Variants in MYH10 observed in about 807,000 individuals in gnomAD.
MYH10 encodes the protein myosin heavy chain 10, also known as myosin-10.
MYH10 carries 55 observed loss-of-function variants against 257.8 expected under a neutral mutation model. That is an observed-to-expected ratio of 0.21 (90% CI 0.17 to 0.27). MYH10 has a LOEUF of 0.27. Among genes scored for constraint, MYH10 ranks in the 10% least tolerant of loss-of-function variants. The pLI, the probability that MYH10 is intolerant of heterozygous loss-of-function variation, is 1.00. For missense variants in MYH10, 1,631 were observed against 2,500.6 expected (o/e 0.65, Z 7.42); for synonymous variants, 854 against 921.7 (o/e 0.93, Z 1.33).
At chr17:8,560,596 GGAGGAAAA>G in intron 7 of MYH10, 1 of 897,030 alleles carries the variant, frequency 1.1e-6, no homozygotes, top group Non-Finnish European at 1.7e-6. Context: ...ACTGAGCACT[GGAGGAAAA>G]GGATTTGGTT....
rs760542141 is a variant in MYH10 at position 8,499,471 on chromosome 17, T to C, written c.3750A>G (p.Lys1250=). Residue 1250 remains lysine, a synonymous_variant, in exon 30 of 43, where the codon AAA becomes AAG. Coordinates refer to ENST00000360416, the MANE Select transcript of MYH10 (RefSeq NM_001256012.3). The part of the protein sequence containing the change: ...SEQLEQAKRF[K]ANLEKNKQGL... ...CCTGCTTGTTCTTCTCTAGATTTGCTTTGAACTAGGAGACGGAAGGGAAAA... is the reference window on the plus strand; with the variant it reads ...CCTGCTTGTTCTTCTCTAGATTTGCCTTGAACTAGGAGACGGAAGGGAAAA... The C allele has an allele frequency of 6.2e-7, 1 of 1,614,180 alleles. No individual in the cohort carries two copies. The highest frequency in any genetic ancestry group is 2.2e-5 in the East Asian group (1 of 44,884).
chr17:8,576,591 C>T (rs1366515647), intron 6 of MYH10, 52 bp downstream of exon 6: 3 of 1,515,360 alleles, frequency 2.0e-6, no homozygotes, highest in South Asian at 2.4e-5. Context: ...AATCTACAGA[C>T]AGAAATTAGT....
chr17:8,571,979 G>A (rs2083359974), intron 6 of MYH10, among the ~76,000 whole-genome samples: 1 of 150,658 alleles, frequency 6.6e-6, no homozygotes, highest in East Asian at 2.0e-4. Context: ...TGGAAACTTG[G>A]AAAAACACTG....
intron 3 of MYH10, among the ~76,000 whole-genome samples, chr17:8,597,530 T>A (rs972424293): frequency 6.6e-6 from 1 of 152,104 alleles, no homozygotes; most frequent in South Asian, 2.1e-4. Context: ...AAAACTATCT[T>A]TATATGTTGC....
rs1186051717 is a variant in MYH10 at position 8,518,677 on chromosome 17, T to C, written c.2458A>G (p.Ile820Val). 6.2e-7 allele frequency: 1 copy of C among 1,614,170 alleles called. No individual in the cohort carries two copies. The highest frequency in any genetic ancestry group is 8.5e-7 in the Non-Finnish European group (1 of 1,180,010). ...EEERDLKITDIIIFFQAVCRG... is the reference protein window; with the variant it reads ...EEERDLKITDVIIFFQAVCRG... ...CAAACGGCCTGGAAGAAGATAATGA[T>C]ATCGGTGATTTTTAAATCTCTTTCT... Residue 820 changes from isoleucine (I) to valine (V), a missense_variant, in exon 21 of 43, where the codon ATC becomes GTC. Ile to Val is a conservative substitution (Grantham distance 29, BLOSUM62 3). Transcript: ENST00000360416.
At chr17:8,580,545 GA>G (rs1331620505) in intron 4 of MYH10, among the ~76,000 whole-genome samples, 3 of 152,104 alleles carry the variant, frequency 2.0e-5, no homozygotes, top group Non-Finnish European at 4.4e-5. Context: ...TTAAGTGCTT[GA>G]TATAGACTGC....
At chr17:8,576,793 G>T in intron 5 of MYH10, 121 bp from the exon 6 acceptor site, 1 of 883,758 alleles carries the variant, frequency 1.1e-6, no homozygotes, top group Non-Finnish European at 1.8e-6. Flanking sequence ...GGGTTGGCTG[G>T]CGTTCTCTCA....
chr17:8,539,678 CAG>C lies in MYH10; in HGVS notation c.1605+2427_1605+2428del, dbSNP rs754539386. On this transcript the variant is annotated intron_variant, in intron 14 of 42. Transcript: ENST00000360416. ...GACCGTATCACTGTAGCCTCCAACT[CAG>C]GGCCTCAAAGGATCCTCCCGCCTCA... 7.9e-5 allele frequency among the ~76,000 whole-genome samples: 12 copies of C among 152,142 alleles called. No homozygotes were observed. The East Asian group carries it at 9.6e-4, about 12-fold the overall frequency.
chr17:8,480,592 G>C, intron 38 of MYH10, 67 bp from the exon 39 acceptor site: 2 of 1,587,690 alleles, frequency 1.3e-6, no homozygotes, highest in African/African-American at 2.7e-5. Flanking sequence ...CTCAGGGAAG[G>C]CTCCTCCACC....
chr17:8,609,474 G>T (rs1014393595), intron 2 of MYH10, among the ~76,000 whole-genome samples: 1 of 151,990 alleles, frequency 6.6e-6, no homozygotes, highest in Non-Finnish European at 1.5e-5. Context: ...AGAGGATTCA[G>T]AAATAAATTA....
chr17:8,505,577 T>C (rs973494734), intron 27 of MYH10, among the ~76,000 whole-genome samples: 4 of 152,352 alleles, frequency 2.6e-5, no homozygotes, highest in African/African-American at 9.6e-5. Context: ...TAGACATATA[T>C]TTATTACATC....
chr17:8,585,033 G>C (rs1040160445), intron 4 of MYH10, among the ~76,000 whole-genome samples: 2 of 151,680 alleles, frequency 1.3e-5, no homozygotes, highest in African/African-American at 4.8e-5. Context: ...AGTAGAGACG[G>C]GGTTTCTCTA....
intron 7 of MYH10, among the ~76,000 whole-genome samples, chr17:8,557,578 C>A (rs776471906): frequency 6.6e-6 from 1 of 152,136 alleles, no homozygotes; most frequent in South Asian, 2.1e-4. Context: ...AAATACTTGA[C>A]GAGCTTGATA....
At chr17:8,496,197 A>AGACGCAGAGG (rs758217858) in intron 30 of MYH10, among the ~76,000 whole-genome samples, 2 of 152,264 alleles carry the variant, frequency 1.3e-5, no homozygotes, top group Non-Finnish European at 2.9e-5. Context: ...GGTGCTGGGA[A>AGACGCAGAGG]GACGCAGAGG....
chr17:8,619,856 C>T (rs1453503013), intron 2 of MYH10, among the ~76,000 whole-genome samples: 3 of 151,724 alleles, frequency 2.0e-5, no homozygotes, highest in Admixed American at 6.6e-5. Context: ...AACCGGGAGG[C>T]GGAGGTTGCG....
intron 1 of MYH10, among the ~76,000 whole-genome samples, chr17:8,626,383 T>C (rs905543650): frequency 6.6e-6 from 1 of 151,796 alleles, no homozygotes; most frequent in Admixed American, 6.6e-5. Flanking sequence ...CTGGGCAACA[T>C]AGCGAAACCC....
chr17:8,573,513 G>C (rs1018026520), intron 6 of MYH10, among the ~76,000 whole-genome samples: 1 of 152,196 alleles, frequency 6.6e-6, no homozygotes, highest in African/African-American at 2.4e-5. Flanking sequence ...ATTTGTAGGG[G>C]ACGGTCAAGT....
intron 30 of MYH10, among the ~76,000 whole-genome samples, chr17:8,498,664 G>A (rs555996741): frequency 6.6e-6 from 1 of 152,012 alleles, no homozygotes; most frequent in East Asian, 2.0e-4. Flanking sequence ...TGGCTAACGT[G>A]GTGAAACCCC....
At chr17:8,534,866 C>T (rs570088086) in intron 16 of MYH10, among the ~76,000 whole-genome samples, 1 of 152,338 alleles carries the variant, frequency 6.6e-6, no homozygotes, top group East Asian at 1.9e-4. Context: ...ATAAAAATCA[C>T]CAAAATTCTT....
Sources: gnomAD v4.1 joint callset for allele counts (sites outside exome capture counted in the v4.1 genomes callset) on GRCh38, gnomAD v4.1.1 for gene constraint, MANE v1.5 for transcripts, NCBI Gene and HGNC (gene_info 2026-07-23, HGNC 2026-07-21) for gene names.